The following EVI5L variants were observed in gnomAD, a reference collection of about 807,000 sequenced individuals.
EVI5L encodes the protein EVI5-like protein.
Under a neutral mutation model 106.1 loss-of-function variants are expected in EVI5L, and 30 were observed. The ratio of observed to expected loss-of-function variants is 0.28; its 90% CI spans 0.21 to 0.38. The LOEUF is 0.38. Among genes scored for constraint, EVI5L ranks in the 10% least tolerant of loss-of-function variants. EVI5L has a pLI of 1.00. For missense variants in EVI5L, 809 were observed against 1,098.0 expected (o/e 0.74, Z 3.72); for synonymous variants, 489 against 483.3 (o/e 1.01, Z -0.15).
At position 7,848,558 on chromosome 19, in the gene EVI5L, AC is replaced by A. The variant is rs1467636521; in HGVS notation, c.328-362del. 1.3e-5 allele frequency among the ~76,000 whole-genome samples: 2 copies of A among 151,872 alleles called. No individual in the cohort carries two copies. Among genetic ancestry groups the A allele is most frequent in the African/African-American group, 4.8e-5 (2 of 41,328 alleles). The stretch of plus-strand genomic sequence containing the variant: ...GGTAGCAGTGAGCCAAGATCACGCC[AC>A]TGCACTCCGGCGTGGGCAACAGAGT... On this transcript the variant is annotated intron_variant, in intron 3 of 19. Coordinates refer to ENST00000538904, the MANE Select transcript of EVI5L (RefSeq NM_001159944.3). The surrounding 1 kb of genome is among the most constrained non-coding windows in gnomAD (Gnocchi z 4.8).
At chr19:7,831,762 C>CT (rs1861781759) in intron 1 of EVI5L, among the ~76,000 whole-genome samples, 1 of 152,274 alleles carries the variant, frequency 6.6e-6, no homozygotes, top group Non-Finnish European at 1.5e-5. Flanking sequence ...CCCCAGCCTC[C>CT]TGACCCCATC....
At chr19:7,839,656 G>A (rs934627362) in intron 1 of EVI5L, among the ~76,000 whole-genome samples, 1 of 152,110 alleles carries the variant, frequency 6.6e-6, no homozygotes, top group Admixed American at 6.6e-5. Context: ...GGGCACGGTG[G>A]CTCACACCTG....
intron 17 of EVI5L, 81 bp from the exon 18 acceptor site, chr19:7,862,891 T>TC: frequency 2.1e-6 from 2 of 933,632 alleles, no homozygotes; most frequent in Non-Finnish European, 1.5e-6. Flanking sequence ...GCCTCCTCAT[T>TC]CGCCCCTGCC....
chr19:7,835,492 A>G lies in EVI5L; in HGVS notation c.-48+5111A>G, dbSNP rs533388355. Among the ~76,000 whole-genome samples, 1 of 152,326 alleles carries G rather than the reference A, an allele frequency of 6.6e-6. No homozygotes were observed. The highest frequency in any genetic ancestry group is 2.4e-5 in the African/African-American group (1 of 41,566). On this transcript the variant is annotated intron_variant, in intron 1 of 19. Coordinates refer to ENST00000538904, the MANE Select transcript of EVI5L (RefSeq NM_001159944.3). The surrounding 1 kb of genome is among the most constrained non-coding windows in gnomAD (Gnocchi z 4.1). ...CACTGCACTCCAGCCTGGGTGACAG[A>G]GGTAGACTCGGTTTCAAAGAAAAAA...
At position 7,863,972 on chromosome 19, in the gene EVI5L, G is replaced by A. The variant is rs1345782156; in HGVS notation, c.*270G>A. ...CTCTGGCGTTCCAGGGGTGCCTGGA[G>A]GGGCTGACTGCTCTCTTAACAGGAG... is the stretch of plus-strand genomic sequence containing the variant. On this transcript the variant is annotated 3_prime_UTR_variant, in exon 20 of 20. Transcript: ENST00000538904. The surrounding 1 kb of genome is among the most constrained non-coding windows in gnomAD (Gnocchi z 7.7). 2.3e-6 allele frequency: 1 copy of A among 441,066 alleles called. No individual in the cohort carries two copies. The highest frequency in any genetic ancestry group is 4.3e-5 in the Admixed American group (1 of 23,154). 27.3% of individuals were successfully genotyped at this position (441,066 alleles called of 1,614,324 possible). A position where few individuals can be genotyped will look rare whatever the true frequency, so the allele number is the denominator to read the frequency against.
rs1042545612 is a variant in EVI5L, at chr19:7,858,448, T to C, written c.1374+117T>C. 11 of 1,336,232 alleles carry C rather than the reference T, an allele frequency of 8.2e-6. No individual in the cohort carries two copies. In the African/African-American group the frequency reaches 1.6e-4, roughly 20 times the overall value. 82.8% of individuals were successfully genotyped at this position (1,336,232 alleles called of 1,614,324 possible). A position where few individuals can be genotyped will look rare whatever the true frequency, so the allele number is the denominator to read the frequency against. ...CCGCCTCAGCACCTGGCCCTCCTGT[T>C]CCTTTCTGGGGTAAGGGGAACCCAG... On this transcript the variant is annotated intron_variant, in intron 13 of 19. Coordinates refer to ENST00000538904, the MANE Select transcript of EVI5L (RefSeq NM_001159944.3). This position sits in a 1 kb window ranked among gnomAD's most constrained non-coding sequence, Gnocchi z 5.7.
intron 1 of EVI5L, among the ~76,000 whole-genome samples, chr19:7,831,243 A>G (rs954924156): frequency 4.0e-5 from 4 of 100,782 alleles, no homozygotes; most frequent in African/African-American, 1.5e-4. Context: ...ACACACACAC[A>G]CACACACACA....
chr19:7,843,349 G>C (rs1198475751), intron 1 of EVI5L, among the ~76,000 whole-genome samples: 1 of 131,262 alleles, frequency 7.6e-6, no homozygotes, highest in South Asian at 2.7e-4. Flanking sequence ...TGTGTGTATA[G>C]GTGTGTGAGT....
Position 7,830,371 on chromosome 19 carries a change from G to C in EVI5L, c.-58G>C, listed in dbSNP as rs1978289832. ...AGGCTCGGCACGGAGATGGCGGCGC[G>C]CTCGGCGCAGGTAGGGCGGCGCGGG... On this transcript the variant is annotated 5_prime_UTR_variant, in exon 1 of 20. Coordinates refer to ENST00000538904, the MANE Select transcript of EVI5L (RefSeq NM_001159944.3). The C allele has an allele frequency of 6.6e-6, 1 of 151,368 alleles. No homozygotes were observed. Among genetic ancestry groups the C allele is most frequent in the South Asian group, 1.8e-4 (1 of 5,542 alleles). 9.4% of individuals were successfully genotyped at this position (151,368 alleles called of 1,614,324 possible).
At chr19:7,853,476 C>G in intron 10 of EVI5L, 143 bp downstream of exon 10, 8 of 1,113,126 alleles carry the variant, frequency 7.2e-6, no homozygotes, top group Non-Finnish European at 1.0e-5. Context: ...GGCCTCCGCC[C>G]ACCTGCGCCG....
In EVI5L at chr19:7,863,396, C is replaced by T. The variant is rs1454218167; in HGVS notation, c.2140-28C>T. 1.4e-5 allele frequency: 21 copies of T among 1,528,684 alleles called. No homozygotes were observed. The highest frequency in any genetic ancestry group is 1.8e-5 in the Non-Finnish European group (21 of 1,138,502). 94.7% of individuals were successfully genotyped at this position (1,528,684 alleles called of 1,614,324 possible). Reference sequence around the variant, plus strand: ...GAGGGCGGGGCAGAAGGCCGGTCCACGCCTGCAGCGCCGGTCCCCCGCCCC... The same window carrying T: ...GAGGGCGGGGCAGAAGGCCGGTCCATGCCTGCAGCGCCGGTCCCCCGCCCC... On this transcript the variant is annotated intron_variant, in intron 19 of 19. Transcript: ENST00000538904. This position sits in a 1 kb window ranked among gnomAD's most constrained non-coding sequence, Gnocchi z 7.7.
chr19:7,838,148 AC>A (rs1270997123), intron 1 of EVI5L, among the ~76,000 whole-genome samples: 1 of 148,132 alleles, frequency 6.8e-6, no homozygotes, highest in African/African-American at 2.5e-5. Context: ...TCGCTCTGTC[AC>A]CCAGGCTGGA....
intron 1 of EVI5L, among the ~76,000 whole-genome samples, chr19:7,844,331 C>CAAAAAA (rs71179149): frequency 1.5e-5 from 2 of 132,452 alleles, no homozygotes; most frequent in African/African-American, 2.9e-5. Context: ...GACTCCGTCT[C>CAAAAAA]AAAAAAAAAA....
Position 7,848,323 on chromosome 19 carries a change from G to A in EVI5L, c.327+402G>A, listed in dbSNP as rs1038478382. On this transcript the variant is annotated intron_variant, in intron 3 of 19. Transcript: ENST00000538904. The surrounding 1 kb of genome is among the most constrained non-coding windows in gnomAD (Gnocchi z 4.8). ...TAAAAATTAGCCAGGTAGGCCGGGC[G>A]CAGTGGCTCACGCCTGTAATCCCAG... 2.6e-5 allele frequency among the ~76,000 whole-genome samples: 4 copies of A among 152,166 alleles called. No individual in the cohort carries two copies. Among genetic ancestry groups the A allele is most frequent in the African/African-American group, 4.8e-5 (2 of 41,428 alleles).
Position 7,848,388 on chromosome 19 carries a change from G to A in EVI5L, c.327+467G>A, listed in dbSNP as rs955652044. 3.5e-4 allele frequency among the ~76,000 whole-genome samples: 53 copies of A among 152,184 alleles called. No individual in the cohort carries two copies. The highest frequency in any genetic ancestry group is 1.3e-3 in the African/African-American group (53 of 41,426). ...GAGGCAGGCAGATCACCTAAGGTCAGGAGTTCAAGACCAGCCTGGCCAACA... is the reference window on the plus strand; with the variant it reads ...GAGGCAGGCAGATCACCTAAGGTCAAGAGTTCAAGACCAGCCTGGCCAACA... On this transcript the variant is annotated intron_variant, in intron 3 of 19. Transcript: ENST00000538904. The surrounding 1 kb of genome is among the most constrained non-coding windows in gnomAD (Gnocchi z 4.8).
Position 7,857,155 on chromosome 19 carries a change from TCCTTCCTGGCC to T in EVI5L, c.1233+38_1233+48del. On this transcript the variant is annotated intron_variant, in intron 12 of 19. Coordinates refer to ENST00000538904, the MANE Select transcript of EVI5L (RefSeq NM_001159944.3). The surrounding 1 kb of genome is among the most constrained non-coding windows in gnomAD (Gnocchi z 4.5). ...GTAGCTTTTTATCCCCTCTCCGGAT[TCCTTCCTGGCC>T]CCTTCCCTGCACCCTGCACATGACA... is the stretch of plus-strand genomic sequence containing the variant. 1 of 1,551,098 alleles carries T rather than the reference TCCTTCCTGGCC, an allele frequency of 6.4e-7. No individual in the cohort carries two copies. Among genetic ancestry groups the T allele is most frequent in the East Asian group, 2.4e-5 (1 of 40,916 alleles).
chr19:7,846,737 G>A lies in EVI5L; in HGVS notation c.137+58G>A, dbSNP rs2146423022. On this transcript the variant is annotated intron_variant, in intron 2 of 19. Transcript: ENST00000538904. ...TTGGGGTGCAGTCTGGGCCCCCACAGGAGTTCCCAGGTGCCCTCACATTCA... is the reference window on the plus strand; with the variant it reads ...TTGGGGTGCAGTCTGGGCCCCCACAAGAGTTCCCAGGTGCCCTCACATTCA... 53 of 1,569,348 alleles carry A rather than the reference G, an allele frequency of 3.4e-5. 1 individual carries two copies. The South Asian group carries it at 6.0e-4, about 18-fold the overall frequency.
At chr19:7,831,239 A>ACACACACG (rs1286547006) in intron 1 of EVI5L, among the ~76,000 whole-genome samples, 4 of 46,866 alleles carry the variant, frequency 8.5e-5, no homozygotes, top group East Asian at 7.5e-4. Flanking sequence ...ACACACACAC[A>ACACACACG]CACACACACA....
At chr19:7,836,562 G>A (rs1278980229) in intron 1 of EVI5L, among the ~76,000 whole-genome samples, 1 of 152,130 alleles carries the variant, frequency 6.6e-6, no homozygotes, top group African/African-American at 2.4e-5. Flanking sequence ...GGGACTCTCT[G>A]TGCCATATGG....
Sources: allele counts gnomAD v4.1 joint callset (sites outside exome capture counted in the v4.1 genomes callset), GRCh38; gene constraint gnomAD v4.1.1; non-coding constraint Gnocchi (gnomAD v3.1); transcripts MANE v1.5; gene names NCBI Gene and HGNC (gene_info 2026-07-23, HGNC 2026-07-21).